The following PTPRF variants were observed in gnomAD, a reference collection of about 807,000 sequenced individuals.
PTPRF encodes the protein protein tyrosine phosphatase receptor type F.
A neutral mutation model predicts 201.8 loss-of-function variants in PTPRF; 59 were observed. That is an observed-to-expected ratio of 0.29 (90% CI 0.24 to 0.36). The LOEUF (loss-of-function observed/expected upper bound fraction) is 0.36, where lower values mean the gene tolerates loss of function less well. Among genes scored for constraint, PTPRF ranks in the 10% least tolerant of loss-of-function variants. PTPRF has a pLI of 1.00. For missense variants in PTPRF, 2,132 were observed against 2,690.5 expected (o/e 0.79, Z 4.59); for synonymous variants, 1,088 against 1,089.7 (o/e 1.00, Z 0.03).
chr1:43,591,634 C>T (rs964256886), intron 9 of PTPRF, 81 bp downstream of exon 9: 40 of 1,459,014 alleles, frequency 2.7e-5, no homozygotes, highest in African/African-American at 1.7e-4. Flanking sequence ...CCCCCTCCCT[C>T]GGCTGTGAGG....
At chr1:43,533,305 T>A (rs1016432224) in intron 1 of PTPRF, among the ~76,000 whole-genome samples, 1 of 151,830 alleles carries the variant, frequency 6.6e-6, no homozygotes, top group Non-Finnish European at 1.5e-5. Context: ...GGTGGTTGGG[T>A]GTTGGTGAAG....
intron 5 of PTPRF, among the ~76,000 whole-genome samples, chr1:43,564,437 C>T (rs1646018994): frequency 6.6e-6 from 1 of 152,196 alleles, no homozygotes; most frequent in African/African-American, 2.4e-5. Flanking sequence ...ATAGGTGTGT[C>T]TGGCTGTGCA....
chr1:43,559,052 G>A (rs971585477), intron 5 of PTPRF, among the ~76,000 whole-genome samples: 1 of 152,236 alleles, frequency 6.6e-6, no homozygotes. Context: ...TAGCTCCAAG[G>A]GTTCTGAGTA....
chr1:43,614,906 A>G (rs1188253869), intron 23 of PTPRF, among the ~76,000 whole-genome samples: 1 of 151,912 alleles, frequency 6.6e-6, no homozygotes, highest in East Asian at 1.9e-4. Context: ...CTTAAAAAAG[A>G]GAGAGAGAGA....
chr1:43,579,195 G>A, intron 7 of PTPRF: 2 of 642,220 alleles, frequency 3.1e-6, no homozygotes. Context: ...CATGGGCCCG[G>A]AGCCCCATGG....
At position 43,606,426 on chromosome 1, in the gene PTPRF, G is replaced by A. The variant is rs748351910; in HGVS notation, c.3670G>A (p.Val1224Met). 5 of 1,614,074 alleles carry A rather than the reference G, an allele frequency of 3.1e-6. No individual in the cohort carries two copies. Among genetic ancestry groups the A allele is most frequent in the Non-Finnish European group, 3.4e-6 (4 of 1,179,986 alleles). Reference sequence around the variant, plus strand: ...TCCGGACTTGAGCTACCAGTGCTTTGTGCTTGCCTCCTTGAAGGAACCCAT... The same window carrying A: ...TCCGGACTTGAGCTACCAGTGCTTTATGCTTGCCTCCTTGAAGGAACCCAT... Reference protein sequence around the residue: ...LSPDLSYQCFVLASLKEPMDQ... With the variant: ...LSPDLSYQCFMLASLKEPMDQ... The change falls in exon 20 of 34, where the codon GTG becomes ATG. Residue 1224 changes from valine to methionine, a missense_variant. Val to Met is a conservative substitution (Grantham distance 21, BLOSUM62 1). Around this residue, in one of 6 missense-constraint regions of PTPRF, gnomAD observed 818 missense variants for 915.3 expected, o/e 0.89. Coordinates refer to ENST00000359947, the MANE Select transcript of PTPRF (RefSeq NM_002840.5).
chr1:43,533,136 CTCTT>C (rs1025908049), intron 1 of PTPRF, among the ~76,000 whole-genome samples: 1 of 152,050 alleles, frequency 6.6e-6, no homozygotes, highest in Non-Finnish European at 1.5e-5. Context: ...TTCCTCTTCC[CTCTT>C]TCTTTCCTTT....
intron 7 of PTPRF, chr1:43,582,746 G>A (rs1486240952): frequency 2.0e-5 from 3 of 152,458 alleles, no homozygotes; most frequent in African/African-American, 7.2e-5. Flanking sequence ...GGGTCTGTCT[G>A]AGCTGTGGGG....
intron 3 of PTPRF, among the ~76,000 whole-genome samples, chr1:43,551,194 G>C (rs534796412): frequency 3.6e-4 from 55 of 152,230 alleles, no homozygotes; most frequent in Admixed American, 3.3e-3. Flanking sequence ...GTCAAGGGAA[G>C]GTGGTATCTG....
Position 43,613,623 on chromosome 1 carries a change from C to G in PTPRF, c.3979C>G (p.Arg1327Gly), listed in dbSNP as rs765265238. Residue 1327 changes from arginine to glycine, a missense_variant, in exon 23 of 34, where the codon CGA becomes GGA. Around this residue, in one of 6 missense-constraint regions of PTPRF, gnomAD observed 818 missense variants for 915.3 expected, o/e 0.89. Transcript: ENST00000359947. The part of the protein sequence containing the change: ...RRLNYQTPGM[R>G]DHPPIPITDL... ...GTATGCCCTACCTCCCCTAGGTATGCGAGACCACCCACCCATCCCCATCAC... is the reference window on the plus strand; with the variant it reads ...GTATGCCCTACCTCCCCTAGGTATGGGAGACCACCCACCCATCCCCATCAC... 6.2e-7 allele frequency: 1 copy of G among 1,613,810 alleles called. No homozygotes were observed. Among genetic ancestry groups the G allele is most frequent in the South Asian group, 1.1e-5 (1 of 91,080 alleles).
At chr1:43,539,131 G>A (rs1318910954) in intron 2 of PTPRF, among the ~76,000 whole-genome samples, 2 of 152,224 alleles carry the variant, frequency 1.3e-5, no homozygotes, top group Non-Finnish European at 2.9e-5. Flanking sequence ...CTGTGTGCGG[G>A]ATGGGTTGGG....
rs2154023594 is a variant in PTPRF, at chr1:43,602,102, G to A, written c.2340+5G>A. ...CCAGAGGAGTCCGAGGACTATGTAA[G>A]TAACAGGTGTGCGAACGCGGACAAG... On this transcript the variant is annotated splice_donor_5th_base_variant and intron_variant, in intron 14 of 33. Coordinates refer to ENST00000359947, the MANE Select transcript of PTPRF (RefSeq NM_002840.5). The A allele has an allele frequency of 1.2e-6, 2 of 1,613,094 alleles. No individual in the cohort carries two copies. Among genetic ancestry groups the A allele is most frequent in the East Asian group, 2.2e-5 (1 of 44,876 alleles).
chr1:43,589,946 G>A (rs901780243), intron 8 of PTPRF, among the ~76,000 whole-genome samples: 1 of 152,036 alleles, frequency 6.6e-6, no homozygotes, highest in Non-Finnish European at 1.5e-5. Context: ...CTGTTTTGCA[G>A]CTTGAGTGAT....
chr1:43,599,180 A>G (rs1195434926), intron 13 of PTPRF, among the ~76,000 whole-genome samples: 2 of 152,100 alleles, frequency 1.3e-5, no homozygotes, highest in African/African-American at 4.8e-5. Flanking sequence ...GGTTCAAGCA[A>G]TTCTCCTTCC....
At chr1:43,574,948 C>G (rs1231352121) in intron 6 of PTPRF, among the ~76,000 whole-genome samples, 1 of 152,182 alleles carries the variant, frequency 6.6e-6, no homozygotes, top group Non-Finnish European at 1.5e-5. Flanking sequence ...TGAAGAATTC[C>G]TCTAGGTGCT....
intron 1 of PTPRF, among the ~76,000 whole-genome samples, chr1:43,531,608 G>A (rs1557650021): frequency 1.3e-5 from 2 of 149,472 alleles, no homozygotes; most frequent in Non-Finnish European, 1.5e-5. Context: ...GGCGCGCCCG[G>A]GTCTCGCTCG....
chr1:43,620,148 A>G lies in PTPRF; in HGVS notation c.5165A>G (p.Asp1722Gly), dbSNP rs1376549439. The change falls in exon 30 of 34, where the codon GAC becomes GGC. Residue 1722 changes from aspartate (D) to glycine (G), a missense_variant. Around this residue, in one of 6 missense-constraint regions of PTPRF, gnomAD observed 519 missense variants for 659.5 expected, o/e 0.79. Coordinates refer to ENST00000359947, the MANE Select transcript of PTPRF (RefSeq NM_002840.5). ...TQGPLAESTE[D>G]FWRMLWEHNS... ...GGGCCTCTGGCAGAGAGCACCGAGG[A>G]CTTCTGGCGCATGCTATGGGAGCAC... 1 of 1,613,952 alleles carries G rather than the reference A, an allele frequency of 6.2e-7. No homozygotes were observed. The highest frequency in any genetic ancestry group is 8.5e-7 in the Non-Finnish European group (1 of 1,179,974).
At position 43,606,800 on chromosome 1, in the gene PTPRF, C is replaced by T. The variant is rs1235402812; in HGVS notation, c.3703-14C>T. On this transcript the variant is annotated splice_polypyrimidine_tract_variant and intron_variant, in intron 20 of 33. Transcript: ENST00000359947. ...CGCTGAGCTCACAGCCTGCTGTTCTCCACCGGGCCACAGAAGCGCTATGCC... is the reference window on the plus strand; with the variant it reads ...CGCTGAGCTCACAGCCTGCTGTTCTTCACCGGGCCACAGAAGCGCTATGCC... 1 of 1,611,480 alleles carries T rather than the reference C, an allele frequency of 6.2e-7. No individual in the cohort carries two copies. The highest frequency in any genetic ancestry group is 1.3e-5 in the African/African-American group (1 of 75,044).
intron 7 of PTPRF, among the ~76,000 whole-genome samples, chr1:43,583,672 A>T (rs952018884): frequency 2.6e-5 from 4 of 152,124 alleles, no homozygotes; most frequent in African/African-American, 9.7e-5. Flanking sequence ...CCAGGGCTTA[A>T]TGGGGCAGTC....
Sources: allele counts gnomAD v4.1 joint callset (sites outside exome capture counted in the v4.1 genomes callset), GRCh38; gene constraint gnomAD v4.1.1; regional missense constraint gnomAD v4.1.1; transcripts MANE v1.5; gene names NCBI Gene and HGNC (gene_info 2026-07-23, HGNC 2026-07-21).